The following PKHD1L1 variants were observed in gnomAD, a reference collection of about 807,000 sequenced individuals.
The protein encoded by PKHD1L1 is fibrocystin-L.
Under a neutral mutation model 462.9 loss-of-function variants are expected in PKHD1L1, and 434 were observed. The observed-to-expected ratio is 0.94, with a 90% CI of 0.87 to 1.02. The LOEUF (loss-of-function observed/expected upper bound fraction) is 1.02. PKHD1L1 is among the 50% of genes least tolerant of loss of function. The pLI is 0.00. For missense variants in PKHD1L1, 5,202 were observed against 5,096.1 expected (o/e 1.02, Z -0.63); for synonymous variants, 1,781 against 1,750.0 (o/e 1.02, Z -0.44).
At position 109,464,855 on chromosome 8, in the gene PKHD1L1, A is replaced by G. The variant is rs1323132806; in HGVS notation, c.8023A>G (p.Met2675Val). 6.2e-7 allele frequency: 1 copy of G among 1,613,804 alleles called. No individual in the cohort carries two copies. The highest frequency in any genetic ancestry group is 1.3e-5 in the African/African-American group (1 of 75,036). ...TGCCCTTCAGTTCCATAACTTTGTG[A>G]TGGTGAATAACTATGAGGCTGGAAT... ...GGALQFHNFV[M>V]VNNYEAGIET... Residue 2675 changes from methionine to valine, a missense_variant, in exon 49 of 78, where the codon ATG becomes GTG. Met to Val is a conservative substitution (Grantham distance 21). Coordinates refer to ENST00000378402, the MANE Select transcript of PKHD1L1 (RefSeq NM_177531.6).
At chr8:109,376,845 G>T (rs1811862572) in intron 2 of PKHD1L1, among the ~76,000 whole-genome samples, 2 of 152,146 alleles carry the variant, frequency 1.3e-5, no homozygotes, top group African/African-American at 4.8e-5. Flanking sequence ...CTTGCCCAAG[G>T]TCATAATGGC....
At position 109,405,068 on chromosome 8, in the gene PKHD1L1, G is replaced by T; in HGVS notation, c.1607G>T (p.Cys536Phe). 6.6e-7 allele frequency: 1 copy of T among 1,526,668 alleles called. No individual in the cohort carries two copies. The highest frequency in any genetic ancestry group is 1.2e-5 in the South Asian group (1 of 83,032). The allele number at this position is 1,526,668 out of a possible 1,614,324, so 94.6% of individuals were successfully genotyped here. A position where few individuals can be genotyped will look rare whatever the true frequency, so the allele number is the denominator to read the frequency against. Residue 536 changes from cysteine (C) to phenylalanine (F), a missense_variant, in exon 16 of 78, where the codon TGT becomes TTT. By Grantham distance (205) the Cys-to-Phe change is radical (BLOSUM62 -2). This residue lies in a region of PKHD1L1 where 4,497 missense variants were observed against 4,336.8 expected (regional missense o/e 1.04). Coordinates refer to ENST00000378402, the MANE Select transcript of PKHD1L1 (RefSeq NM_177531.6). Reference protein sequence around the residue: ...EVQKIKVTSPCVEANSCSLYQ... With the variant: ...EVQKIKVTSPFVEANSCSLYQ... ...CAGAAGATCAAGGTAACCAGCCCAT[G>T]TGTGGAAGCTAATTCATGTTCACTT...
At chr8:109,457,018 C>T (rs918853835) in intron 46 of PKHD1L1, among the ~76,000 whole-genome samples, 5 of 151,934 alleles carry the variant, frequency 3.3e-5, no homozygotes, top group African/African-American at 7.2e-5. Flanking sequence ...GCAAATAAGA[C>T]ATAAAAGAAA....
chr8:109,508,173 G>A lies in PKHD1L1; in HGVS notation c.11304G>A (p.Met3768Ile), dbSNP rs979640871. ...AGTGCTTTGGGATGGAATATGCAAT[G>A]ATGGTTATTGAAAGTCTGGATCCTG... ...SYQCFGMEYA[M>I]MVIESLDPDT... Residue 3768 changes from methionine to isoleucine, a missense_variant, in exon 70 of 78, where the codon ATG (methionine) becomes ATA (isoleucine). Coordinates refer to ENST00000378402, the MANE Select transcript of PKHD1L1 (RefSeq NM_177531.6). 2.5e-6 allele frequency: 4 copies of A among 1,613,182 alleles called. No homozygotes were observed. In the South Asian group the frequency reaches 3.3e-5, roughly 13 times the overall value.
intron 21 of PKHD1L1, among the ~76,000 whole-genome samples, 170 bp from the exon 22 acceptor site, chr8:109,418,927 T>C (rs1814318632): frequency 1.3e-5 from 2 of 152,348 alleles, no homozygotes; most frequent in South Asian, 4.1e-4. Flanking sequence ...CAATGTAAGT[T>C]TCTGCCTGCT....
At chr8:109,426,182 ATATTCATGACT>A in intron 24 of PKHD1L1, among the ~76,000 whole-genome samples, 1 of 152,058 alleles carries the variant, frequency 6.6e-6, no homozygotes, top group Non-Finnish European at 1.5e-5. Context: ...TTTCTCTTTT[ATATTCATGACT>A]TATAGGTTAT....
chr8:109,390,358 T>A (rs775319646), intron 8 of PKHD1L1, 94 bp from the exon 9 acceptor site: 3 of 668,950 alleles, frequency 4.5e-6, no homozygotes, highest in Non-Finnish European at 6.8e-6. Context: ...GATTTTGTAC[T>A]TTTTCTCTGC....
chr8:109,513,010 T>C (rs1269744963), intron 71 of PKHD1L1, among the ~76,000 whole-genome samples: 1 of 151,928 alleles, frequency 6.6e-6, no homozygotes, highest in African/African-American at 2.4e-5. Flanking sequence ...CTGTTATTGG[T>C]GTATAAGAAT....
chr8:109,462,867 T>C (rs969503768), intron 48 of PKHD1L1, among the ~76,000 whole-genome samples: 1 of 151,960 alleles, frequency 6.6e-6, no homozygotes, highest in Non-Finnish European at 1.5e-5. Flanking sequence ...CTGCTTGGAA[T>C]CCTCCTCCAC....
intron 32 of PKHD1L1, among the ~76,000 whole-genome samples, chr8:109,440,420 C>A (rs1815711323): frequency 6.6e-6 from 1 of 151,892 alleles, no homozygotes; most frequent in African/African-American, 2.4e-5. Flanking sequence ...TTTCTTGTGA[C>A]CTCAGTTCTC....
intron 4 of PKHD1L1, among the ~76,000 whole-genome samples, chr8:109,383,489 TATAA>T (rs1276546454): frequency 7.4e-6 from 1 of 135,678 alleles, no homozygotes; most frequent in African/African-American, 2.7e-5. Context: ...ACTATTTTTA[TATAA>T]ATATTTATAT....
chr8:109,522,827 G>T lies in PKHD1L1; in HGVS notation c.12267G>T (p.Pro4089=). The T allele has an allele frequency of 6.2e-7, 1 of 1,612,024 alleles. No homozygotes were observed. The highest frequency in any genetic ancestry group is 8.5e-7 in the Non-Finnish European group (1 of 1,179,276). The change falls in exon 75 of 78, where the codon CCG becomes CCT. Residue 4089 remains proline (P), a synonymous_variant. Transcript: ENST00000378402. ...CCTCACTCTTAGTGATCACTCAGCC[G>T]GTGGCAGCACAGCCAGGACAGCCAT... ...FVSSLLVITQ[P]VAAQPGQPFP... is the part of the protein sequence containing the mutation.
chr8:109,394,477 C>T lies in PKHD1L1; in HGVS notation c.803C>T (p.Thr268Ile). 6.6e-7 allele frequency: 1 copy of T among 1,516,002 alleles called. No individual in the cohort carries two copies. Among genetic ancestry groups the T allele is most frequent in the Non-Finnish European group, 8.9e-7 (1 of 1,125,646 alleles). The allele number at this position is 1,516,002 out of a possible 1,614,324, so 93.9% of individuals were successfully genotyped here. The change falls in exon 10 of 78, where the codon ACA becomes ATA. Residue 268 changes from threonine (T) to isoleucine (I), a missense_variant. This residue lies in a region of PKHD1L1 where 4,497 missense variants were observed against 4,336.8 expected (regional missense o/e 1.04). Coordinates refer to ENST00000378402, the MANE Select transcript of PKHD1L1 (RefSeq NM_177531.6). Reference sequence around the variant, plus strand: ...CTCAATAAAATTGCAATGTTTCAAACATATGCAGGTATGTGACTTTTCTTT... The same window carrying T: ...CTCAATAAAATTGCAATGTTTCAAATATATGCAGGTATGTGACTTTTCTTT... ...SSLNKIAMFQTYAEVTMIFPS... is the reference protein window; with the variant it reads ...SSLNKIAMFQIYAEVTMIFPS...
At chr8:109,476,131 ATC>A (rs780333472) in intron 51 of PKHD1L1, among the ~76,000 whole-genome samples, 5 of 151,948 alleles carry the variant, frequency 3.3e-5, no homozygotes, top group Admixed American at 6.6e-5. Context: ...CTACAATTTT[ATC>A]TGTCAGTTTT....
intron 55 of PKHD1L1, 83 bp from the exon 56 acceptor site, chr8:109,481,350 G>A: frequency 7.7e-7 from 1 of 1,292,642 alleles, no homozygotes; most frequent in Non-Finnish European, 1.0e-6. Flanking sequence ...TAGGCTTCCA[G>A]TGACTTCTGA....
At chr8:109,487,932 G>GGAAGGAAGGAAA (rs1261692593) in intron 59 of PKHD1L1, among the ~76,000 whole-genome samples, 1 of 150,764 alleles carries the variant, frequency 6.6e-6, no homozygotes, top group East Asian at 2.0e-4. Context: ...AAGGAAGGAA[G>GGAAGGAAGGAAA]GAAGGAAGGA....
chr8:109,461,328 A>C (rs1056995317), intron 47 of PKHD1L1, among the ~76,000 whole-genome samples: 7 of 152,214 alleles, frequency 4.6e-5, no homozygotes, highest in Non-Finnish European at 8.8e-5. Context: ...AATGTACATG[A>C]AACCTAGTTT....
At chr8:109,495,943 A>T (rs1215252255) in intron 63 of PKHD1L1, among the ~76,000 whole-genome samples, 1 of 152,204 alleles carries the variant, frequency 6.6e-6, no homozygotes, top group Non-Finnish European at 1.5e-5. Context: ...TGTATATATT[A>T]ATAATGAGTA....
Position 109,449,467 on chromosome 8 carries a change from G to A in PKHD1L1, c.6155G>A (p.Cys2052Tyr), listed in dbSNP as rs1308901793. Reference sequence around the variant, plus strand: ...AGATCTGATTACACAACACTATTATGTGAAATTCCATCTAATAATGGTAAG... The same window carrying A: ...AGATCTGATTACACAACACTATTATATGAAATTCCATCTAATAATGGTAAG... ...RLRSDYTTLL[C>Y]EIPSNNGTGA... Residue 2052 changes from cysteine (C) to tyrosine (Y), a missense_variant, in exon 40 of 78, where the codon TGT (cysteine) becomes TAT (tyrosine). Coordinates refer to ENST00000378402, the MANE Select transcript of PKHD1L1 (RefSeq NM_177531.6). 6.3e-7 allele frequency: 1 copy of A among 1,596,828 alleles called. No homozygotes were observed. The highest frequency in any genetic ancestry group is 1.3e-5 in the African/African-American group (1 of 74,720).
Sources: allele counts gnomAD v4.1 joint callset (sites outside exome capture counted in the v4.1 genomes callset), GRCh38; gene constraint gnomAD v4.1.1; regional missense constraint gnomAD v4.1.1; transcripts MANE v1.5; gene names NCBI Gene and HGNC (gene_info 2026-07-23, HGNC 2026-07-21).